Variants in FRMD5 observed in about 807,000 individuals in gnomAD.
FRMD5 encodes FERM domain containing 5, also known as FERM domain-containing protein 5.
A neutral mutation model predicts 69.0 loss-of-function variants in FRMD5; 20 were observed. The ratio of observed to expected loss-of-function variants is 0.29; its 90% CI spans 0.20 to 0.42. The LOEUF (loss-of-function observed/expected upper bound fraction) is 0.42. Among genes scored for constraint, FRMD5 ranks in the 10% least tolerant of loss-of-function variants. The pLI is 1.00. For synonymous variants in FRMD5, 271 were observed against 260.1 expected, an observed-to-expected ratio of 1.04 and a Z score of -0.40; for missense variants, 595 against 708.6, an observed-to-expected ratio of 0.84 and a Z score of 1.82.
chr15:43,997,521 A>G (rs952863734), intron 1 of FRMD5, among the ~76,000 whole-genome samples: 5 of 152,218 alleles, frequency 3.3e-5, no homozygotes, highest in African/African-American at 1.2e-4. Flanking sequence ...GGATACCAGA[A>G]TTGCTGATAG....
At chr15:44,025,490 C>T (rs935492081) in intron 1 of FRMD5, among the ~76,000 whole-genome samples, 12 of 152,114 alleles carry the variant, frequency 7.9e-5, no homozygotes, top group Non-Finnish European at 8.8e-5. Flanking sequence ...ATATCTTATA[C>T]ATCTATGCAG....
At chr15:44,041,634 A>T (rs563644617) in intron 1 of FRMD5, among the ~76,000 whole-genome samples, 1 of 152,344 alleles carries the variant, frequency 6.6e-6, no homozygotes, top group Non-Finnish European at 1.5e-5. Context: ...ACTCATGCAA[A>T]ATCGCACAAT....
In FRMD5 at chr15:43,946,054, CA is replaced by C. The variant is rs745917945; in HGVS notation, c.103-21746del. ...TGGGCAACAGAGCGAGACTCTGTCT[CA>C]AAAAAAAAAAAAAATTCCCCAAAGT... On this transcript the variant is annotated intron_variant, in intron 1 of 13. Coordinates refer to ENST00000417257, the MANE Select transcript of FRMD5 (RefSeq NM_032892.5). Among the ~76,000 whole-genome samples, 835 of 135,710 alleles carry C rather than the reference CA, an allele frequency of 6.2e-3. 1 individual carries two copies. The highest frequency in any genetic ancestry group is 6.0e-3 in the African/African-American group (223 of 37,028). 89.0% of individuals were successfully genotyped at this position (135,710 alleles called of 152,430 possible). A position where few individuals can be genotyped will look rare whatever the true frequency, so the allele number is the denominator to read the frequency against.
chr15:44,091,146 A>G (rs2076466673), intron 1 of FRMD5, among the ~76,000 whole-genome samples: 1 of 152,200 alleles, frequency 6.6e-6, no homozygotes, highest in African/African-American at 2.4e-5. Context: ...TTCTCTCTCA[A>G]TGAAATCTTT....
At chr15:44,025,388 T>C (rs1891387395) in intron 1 of FRMD5, among the ~76,000 whole-genome samples, 1 of 152,072 alleles carries the variant, frequency 6.6e-6, no homozygotes. Context: ...AAGAAGGATA[T>C]TCTAGCAAAC....
At chr15:44,053,495 G>A (rs1196871179) in intron 1 of FRMD5, among the ~76,000 whole-genome samples, 1 of 152,148 alleles carries the variant, frequency 6.6e-6, no homozygotes, top group Non-Finnish European at 1.5e-5. Context: ...TGATGCTAGA[G>A]AGCTTGGATG....
At chr15:44,169,204 G>A (rs1002898941) in intron 1 of FRMD5, among the ~76,000 whole-genome samples, 10 of 152,030 alleles carry the variant, frequency 6.6e-5, no homozygotes, top group African/African-American at 2.4e-5. Flanking sequence ...CACCTTGCAT[G>A]TAAAGGCTTT....
At chr15:43,930,810 C>T (rs778341920) in intron 1 of FRMD5, among the ~76,000 whole-genome samples, 6 of 152,240 alleles carry the variant, frequency 3.9e-5, no homozygotes, top group Middle Eastern at 3.4e-3. Context: ...AGGATGTGCA[C>T]GTGGGGTGGG....
At chr15:44,189,053 G>A (rs2078149878) in intron 1 of FRMD5, among the ~76,000 whole-genome samples, 1 of 152,094 alleles carries the variant, frequency 6.6e-6, no homozygotes, top group African/African-American at 2.4e-5. Context: ...CAATTATTTT[G>A]CCTTCATGAG....
At chr15:44,171,630 T>C (rs2077805634) in intron 1 of FRMD5, among the ~76,000 whole-genome samples, 1 of 152,148 alleles carries the variant, frequency 6.6e-6, no homozygotes, top group Non-Finnish European at 1.5e-5. Flanking sequence ...TCCAATGAGG[T>C]TGGGAATTGA....
At chr15:43,951,789 C>T (rs2090033388) in intron 1 of FRMD5, among the ~76,000 whole-genome samples, 1 of 152,132 alleles carries the variant, frequency 6.6e-6, no homozygotes, top group African/African-American at 2.4e-5. Flanking sequence ...ATTCACATGC[C>T]ATCAACCAAA....
chr15:44,010,042 T>TTA (rs1012628044), intron 1 of FRMD5, among the ~76,000 whole-genome samples: 2 of 152,212 alleles, frequency 1.3e-5, no homozygotes, highest in African/African-American at 4.8e-5. Flanking sequence ...AACATTTTTA[T>TTA]TATCCAATTT....
At chr15:43,989,104 T>G in intron 1 of FRMD5, 1 of 970,376 alleles carries the variant, frequency 1.0e-6, no homozygotes. Context: ...TGACTCATCA[T>G]ATTCCTGCTT....
chr15:44,019,467 G>A (rs1891111936), intron 1 of FRMD5, among the ~76,000 whole-genome samples: 1 of 151,018 alleles, frequency 6.6e-6, no homozygotes, highest in African/African-American at 2.4e-5. Context: ...CAGGCACGGT[G>A]CCTCACACCT....
chr15:44,197,276 G>A (rs1431560395), upstream of FRMD5, among the ~76,000 whole-genome samples: 5 of 152,070 alleles, frequency 3.3e-5, no homozygotes, highest in African/African-American at 4.8e-5. Context: ...AGAGGAAGAA[G>A]ACCTGTGAAG....
chr15:43,907,405 T>C (rs756247402), intron 5 of FRMD5, among the ~76,000 whole-genome samples: 5 of 152,170 alleles, frequency 3.3e-5, no homozygotes, highest in Admixed American at 1.3e-4. Flanking sequence ...AGGGTCTCAC[T>C]GTCATGCACG....
chr15:44,109,038 C>A (rs1368072242), intron 1 of FRMD5, among the ~76,000 whole-genome samples: 1 of 146,682 alleles, frequency 6.8e-6, no homozygotes, highest in African/African-American at 2.6e-5. Context: ...AATGCCATTG[C>A]CAGATATAAA....
chr15:44,119,695 A>G (rs76962731), intron 1 of FRMD5, among the ~76,000 whole-genome samples: 5,880 of 151,572 alleles, frequency 0.039, 339 homozygotes, highest in African/African-American at 0.12. Context: ...AGGGCACATG[A>G]TAGAAAAGCT....
At chr15:44,114,646 A>G (rs1343566205) in intron 1 of FRMD5, among the ~76,000 whole-genome samples, 1 of 152,234 alleles carries the variant, frequency 6.6e-6, no homozygotes, top group Non-Finnish European at 1.5e-5. Context: ...TATAATGCCA[A>G]TGTGAAAGAA....
Sources: gnomAD v4.1 joint callset for allele counts (sites outside exome capture counted in the v4.1 genomes callset) on GRCh38, gnomAD v4.1.1 for gene constraint, MANE v1.5 for transcripts, NCBI Gene and HGNC (gene_info 2026-07-23, HGNC 2026-07-21) for gene names.